ZNF626: variants seen among roughly 807,000 people sequenced by gnomAD.
The protein encoded by ZNF626 is zinc finger protein 626.
A neutral mutation model predicts 11.7 loss-of-function variants in ZNF626; 4 were observed. The ratio of observed to expected loss-of-function variants is 0.34; its 90% CI spans 0.17 to 0.78. ZNF626 has a LOEUF of 0.78. Among genes scored for constraint, ZNF626 ranks in the 30% least tolerant of loss-of-function variants. The probability of loss-of-function intolerance (pLI) is 0.57; values close to 1 mark genes in which losing one functional copy is unlikely to be tolerated. For missense variants in ZNF626, 588 were observed against 587.1 expected (o/e 1.00, Z -0.01); for synonymous variants, 179 against 198.6 (o/e 0.90, Z 0.83).
At chr19:20,642,971 A>G (rs1970039005) in intron 3 of ZNF626, among the ~76,000 whole-genome samples, 1 of 151,332 alleles carries the variant, frequency 6.6e-6, no homozygotes, top group Admixed American at 6.6e-5. Flanking sequence ...AGATCGCACC[A>G]CTGCACTCCA....
At chr19:20,626,538 T>C (rs1307194925) in intron 3 of ZNF626, among the ~76,000 whole-genome samples, 2 of 152,060 alleles carry the variant, frequency 1.3e-5, no homozygotes, top group Non-Finnish European at 2.9e-5. Flanking sequence ...GCCAACATGG[T>C]GAAACCCTGT....
chr19:20,630,399 C>T (rs1969889215), intron 3 of ZNF626, among the ~76,000 whole-genome samples: 1 of 141,672 alleles, frequency 7.1e-6, no homozygotes, highest in Non-Finnish European at 1.5e-5. Context: ...GCTGTGAATC[C>T]ATCTGGTCCT....
chr19:20,641,112 G>T (rs1304069696), intron 3 of ZNF626, among the ~76,000 whole-genome samples: 1 of 148,056 alleles, frequency 6.8e-6, no homozygotes, highest in Non-Finnish European at 1.5e-5. Context: ...CTCTAGCGTG[G>T]GTGACAGAGT....
Position 20,625,552 on chromosome 19 carries a change from C to G in ZNF626, c.325G>C (p.Asp109His), listed in dbSNP as rs1555769539. The G allele has an allele frequency of 6.2e-7, 1 of 1,612,974 alleles. No homozygotes were observed. Among genetic ancestry groups the G allele is most frequent in the South Asian group, 1.1e-5 (1 of 90,760 alleles). ...CATCCTTTTTTTAACTGTAAATTGTCATGTTCACATTTTTCATATCTTCTC... is the reference window on the plus strand; with the variant it reads ...CATCCTTTTTTTAACTGTAAATTGTGATGTTCACATTTTTCATATCTTCTC... ...VLRRYEKCEHDNLQLKKGCIS... is the reference protein window; with the variant it reads ...VLRRYEKCEHHNLQLKKGCIS... Residue 109 changes from aspartate (D) to histidine (H), a missense_variant, in exon 4 of 4, where the codon GAC becomes CAC. This residue lies in a region of ZNF626 where 524 missense variants were observed against 470.1 expected (regional missense o/e 1.11). Coordinates refer to ENST00000601440, the MANE Select transcript of ZNF626 (RefSeq NM_001076675.3).
chr19:20,635,363 C>T (rs548305898), intron 3 of ZNF626, among the ~76,000 whole-genome samples: 1 of 152,310 alleles, frequency 6.6e-6, no homozygotes, highest in South Asian at 2.1e-4. Flanking sequence ...CACTCTAACT[C>T]TCAGGCAAAA....
In ZNF626 at chr19:20,624,210, C is replaced by G. The variant is rs1260982585; in HGVS notation, c.*80G>C. 6 of 1,607,248 alleles carry G rather than the reference C, an allele frequency of 3.7e-6. No homozygotes were observed. The highest frequency in any genetic ancestry group is 5.1e-6 in the Non-Finnish European group (6 of 1,175,322). ...AGGGTTTTTTTCCAGTATGAATTTT[C>G]TTATGTGTAGTAAGGTTAGAGAAAT... On this transcript the variant is annotated 3_prime_UTR_variant, in exon 4 of 4. Coordinates refer to ENST00000601440, the MANE Select transcript of ZNF626 (RefSeq NM_001076675.3).
At chr19:20,627,030 A>AAAT (rs1555769844) in intron 3 of ZNF626, among the ~76,000 whole-genome samples, 1 of 151,930 alleles carries the variant, frequency 6.6e-6, no homozygotes, top group Admixed American at 6.6e-5. Flanking sequence ...AAAACTAACT[A>AAAT]AATAAATAAA....
intron 3 of ZNF626, among the ~76,000 whole-genome samples, chr19:20,639,615 T>C (rs1433282296): frequency 6.6e-6 from 1 of 152,170 alleles, no homozygotes; most frequent in Non-Finnish European, 1.5e-5. Context: ...TGCGTATCTG[T>C]AGTCCTAGCT....
intron 1 of ZNF626, among the ~76,000 whole-genome samples, chr19:20,658,703 A>C (rs1463906478): frequency 1.3e-5 from 2 of 152,142 alleles, no homozygotes; most frequent in Non-Finnish European, 2.9e-5. Flanking sequence ...CTGAATATCA[A>C]ACAATTCTCC....
chr19:20,624,816 G>A lies in ZNF626; in HGVS notation c.1061C>T (p.Ser354Phe), dbSNP rs1364278210. 1 of 1,613,610 alleles carries A rather than the reference G, an allele frequency of 6.2e-7. No individual in the cohort carries two copies. Among genetic ancestry groups the A allele is most frequent in the South Asian group, 1.1e-5 (1 of 91,044 alleles). ...AATTCTCTTATGTGTAGTAAGGGTA[G>A]AGGAGTACTTAAAGGCTTTGCCACA... ...EECGKAFKYS[S>F]TLTTHKRIHT... The change falls in exon 4 of 4, where the codon TCT becomes TTT. Residue 354 changes from serine (S) to phenylalanine (F), a missense_variant. Around this residue, in one of 4 missense-constraint regions of ZNF626, gnomAD observed 524 missense variants for 470.1 expected, o/e 1.11. Coordinates refer to ENST00000601440, the MANE Select transcript of ZNF626 (RefSeq NM_001076675.3).
intron 3 of ZNF626, among the ~76,000 whole-genome samples, chr19:20,632,161 G>C: frequency 6.6e-6 from 1 of 152,196 alleles, no homozygotes; most frequent in East Asian, 1.9e-4. Flanking sequence ...GAGATCAGCT[G>C]TTAGTCTGCT....
chr19:20,659,848 T>G (rs1306978472), intron 1 of ZNF626, among the ~76,000 whole-genome samples: 1 of 152,120 alleles, frequency 6.6e-6, no homozygotes, highest in Non-Finnish European at 1.5e-5. Context: ...TGCATCTGCC[T>G]GTGGGGCCCC....
rs782322875 is a variant in ZNF626 at position 20,625,531 on chromosome 19, C to G, written c.346G>C (p.Gly116Arg). 1.2e-6 allele frequency: 2 copies of G among 1,613,094 alleles called. No homozygotes were observed. Among genetic ancestry groups the G allele is most frequent in the Non-Finnish European group, 1.7e-6 (2 of 1,179,772 alleles). Residue 116 changes from glycine (G) to arginine (R), a missense_variant, in exon 4 of 4, where the codon GGA becomes CGA. Physicochemically the swap from Gly to Arg is moderately radical, Grantham distance 125. Transcript: ENST00000601440. ...TTACACTCATCCACACTTATACATCCTTTTTTTAACTGTAAATTGTCATGT... is the reference window on the plus strand; with the variant it reads ...TTACACTCATCCACACTTATACATCGTTTTTTTAACTGTAAATTGTCATGT... ...CEHDNLQLKK[G>R]CISVDECKVH...
chr19:20,661,534 G>GACGT lies in ZNF626; in HGVS notation c.-89_-88insACGT. 2.0e-6 allele frequency: 3 copies of GACGT among 1,492,356 alleles called. No individual in the cohort carries two copies. Among genetic ancestry groups the GACGT allele is most frequent in the Non-Finnish European group, 2.8e-6 (3 of 1,085,784 alleles). The allele number at this position is 1,492,356 out of a possible 1,614,324, so 92.4% of individuals were successfully genotyped here. A position where few individuals can be genotyped will look rare whatever the true frequency, so the allele number is the denominator to read the frequency against. Reference sequence around the variant, plus strand: ...GGCCACACAGCCTGGGCCTTTAGGAGAAGAACCAGACCTGGAGCTCTGACT... The same window carrying GACGT: ...GGCCACACAGCCTGGGCCTTTAGGAGACGTAAGAACCAGACCTGGAGCTCTGACT... On this transcript the variant is annotated 5_prime_UTR_variant, in exon 1 of 4. Coordinates refer to ENST00000601440, the MANE Select transcript of ZNF626 (RefSeq NM_001076675.3).
At chr19:20,634,338 C>T (rs1969943055) in intron 3 of ZNF626, among the ~76,000 whole-genome samples, 1 of 152,178 alleles carries the variant, frequency 6.6e-6, no homozygotes, top group African/African-American at 2.4e-5. Flanking sequence ...CACTCCTCGA[C>T]AACATCAGGA....
At chr19:20,647,416 T>C (rs567956518) in intron 1 of ZNF626, among the ~76,000 whole-genome samples, 2 of 151,840 alleles carry the variant, frequency 1.3e-5, no homozygotes, top group East Asian at 1.9e-4. Flanking sequence ...GAAAAAAATA[T>C]GTCCCAGAGA....
At chr19:20,653,562 G>C (rs1303695588) in intron 1 of ZNF626, among the ~76,000 whole-genome samples, 1 of 150,696 alleles carries the variant, frequency 6.6e-6, no homozygotes, top group Non-Finnish European at 1.5e-5. Flanking sequence ...CTGGGAAGCA[G>C]AGGTTGCAGT....
rs7259784 is a variant in ZNF626, at chr19:20,623,230, A to C, written c.*1060T>G. ...CTTTATATTTGTACAATTTTTCTCA[A>C]GGATAATAGCTTTCCTGCAAAATAA... On this transcript the variant is annotated 3_prime_UTR_variant, in exon 4 of 4. Coordinates refer to ENST00000601440, the MANE Select transcript of ZNF626 (RefSeq NM_001076675.3). 1 of 152,014 alleles carries C rather than the reference A, an allele frequency of 6.6e-6. No individual in the cohort carries two copies. Among genetic ancestry groups the C allele is most frequent in the African/African-American group, 2.4e-5 (1 of 41,362 alleles). The allele number at this position is 152,014 out of a possible 1,614,324, so 9.4% of individuals were successfully genotyped here.
Position 20,620,924 on chromosome 19 carries a change from C to T in ZNF626, c.*3366G>A, listed in dbSNP as rs1969750727. ...GCACGATCTCGGCTCACTGCAACCT[C>T]TGCCTCCTGGGTTACACCATTCTCC... On this transcript the variant is annotated 3_prime_UTR_variant, in exon 4 of 4. Coordinates refer to ENST00000601440, the MANE Select transcript of ZNF626 (RefSeq NM_001076675.3). 1 of 152,106 alleles carries T rather than the reference C, an allele frequency of 6.6e-6. No individual in the cohort carries two copies. Among genetic ancestry groups the T allele is most frequent in the South Asian group, 2.1e-4 (1 of 4,810 alleles). The allele number at this position is 152,106 out of a possible 1,614,324, so 9.4% of individuals were successfully genotyped here.
Sources: allele counts gnomAD v4.1 joint callset (sites outside exome capture counted in the v4.1 genomes callset), GRCh38; gene constraint gnomAD v4.1.1; regional missense constraint gnomAD v4.1.1; transcripts MANE v1.5; gene names NCBI Gene and HGNC (gene_info 2026-07-23, HGNC 2026-07-21).